Variants in ESRRG observed in about 807,000 individuals in gnomAD.
ESRRG encodes estrogen-related receptor gamma.
A neutral mutation model predicts 44.0 loss-of-function variants in ESRRG; 13 were observed. That is an observed-to-expected ratio of 0.30 (90% CI 0.19 to 0.47). ESRRG has a LOEUF of 0.47. Among genes scored for constraint, ESRRG ranks in the 20% least tolerant of loss-of-function variants. The probability of loss-of-function intolerance (pLI) is 1.00; values close to 1 mark genes in which losing one functional copy is unlikely to be tolerated. For missense variants in ESRRG, 395 were observed against 580.6 expected (o/e 0.68, Z 3.29); for synonymous variants, 215 against 214.6 (o/e 1.00, Z -0.02).
At position 216,785,323 on chromosome 1, in the gene ESRRG, T is replaced by C. The variant is rs143446913; in HGVS notation, c.-13-107832A>G. Among the ~76,000 whole-genome samples the C allele has an allele frequency of 2.5e-4, 38 of 152,210 alleles. No individual in the cohort carries two copies. The East Asian group carries it at 6.8e-3, about 27-fold the overall frequency. ...GTTACTATTGGGCAATGTCAATCTT[T>C]CTCTTTAGGAGGAGAGGAGGGAAAG... On this transcript the variant is annotated intron_variant, in intron 2 of 7. Coordinates refer to the ESRRG transcript ENST00000359162.
intron 1 of ESRRG, among the ~76,000 whole-genome samples, chr1:217,022,469 C>A (rs1473889272): frequency 6.6e-6 from 1 of 152,158 alleles, no homozygotes; most frequent in Non-Finnish European, 1.5e-5. Flanking sequence ...CATTTGCACA[C>A]AGTGAGGTGA....
intron 1 of ESRRG, among the ~76,000 whole-genome samples, chr1:217,097,843 TAA>T (rs5780964): frequency 1.4e-5 from 2 of 139,036 alleles, no homozygotes; most frequent in African/African-American, 2.7e-5. Flanking sequence ...CCAGGCTGCT[TAA>T]AAAAAAAAAA....
intron 2 of ESRRG, among the ~76,000 whole-genome samples, chr1:216,791,455 A>G (rs1326996156): frequency 6.6e-6 from 1 of 152,164 alleles, no homozygotes; most frequent in Non-Finnish European, 1.5e-5. Context: ...TTCTGTTCTT[A>G]TAAATTACCC....
chr1:217,082,543 T>G (rs2151517349), intron 1 of ESRRG, among the ~76,000 whole-genome samples: 1 of 152,290 alleles, frequency 6.6e-6, no homozygotes, highest in East Asian at 1.9e-4. Flanking sequence ...CACACTGTCC[T>G]TTCCCTTCAG....
At chr1:217,101,012 C>T (rs527660329) in intron 1 of ESRRG, among the ~76,000 whole-genome samples, 1 of 152,174 alleles carries the variant, frequency 6.6e-6, no homozygotes, top group South Asian at 2.1e-4. Flanking sequence ...TCTTTGGAAC[C>T]CTTACCATTT....
intron 1 of ESRRG, among the ~76,000 whole-genome samples, chr1:216,978,760 G>A (rs2073412766): frequency 6.6e-6 from 1 of 152,160 alleles, no homozygotes; most frequent in African/African-American, 2.4e-5. Flanking sequence ...TGAAAAGGAA[G>A]TTTTTTCCAC....
chr1:216,559,945 A>G (rs1194088130), intron 5 of ESRRG, among the ~76,000 whole-genome samples: 1 of 152,144 alleles, frequency 6.6e-6, no homozygotes, highest in Non-Finnish European at 1.5e-5. Flanking sequence ...TTCTTTATAG[A>G]TTCCTTTCAT....
chr1:216,764,862 G>A (rs1376563737), intron 2 of ESRRG, among the ~76,000 whole-genome samples: 1 of 151,900 alleles, frequency 6.6e-6, no homozygotes, highest in Non-Finnish European at 1.5e-5. Flanking sequence ...AACCCAGGGT[G>A]AAGAGCAGTG....
intron 3 of ESRRG, among the ~76,000 whole-genome samples, chr1:216,594,893 T>C (rs2058210701): frequency 6.6e-6 from 1 of 152,206 alleles, no homozygotes; most frequent in Admixed American, 6.5e-5. Context: ...GTGGTAGAAC[T>C]TTGGGACTCA....
At chr1:216,861,029 T>C (rs1267510692) in intron 2 of ESRRG, among the ~76,000 whole-genome samples, 1 of 152,038 alleles carries the variant, frequency 6.6e-6, no homozygotes, top group Non-Finnish European at 1.5e-5. Context: ...ACAGTATCAG[T>C]TGAATGTAGT....
intron 1 of ESRRG, among the ~76,000 whole-genome samples, chr1:217,012,817 T>C (rs2078824642): frequency 6.6e-6 from 1 of 152,222 alleles, no homozygotes; most frequent in Non-Finnish European, 1.5e-5. Context: ...CTATTCATAG[T>C]TTGCCCTAGG....
At chr1:216,521,356 T>C (rs1265790760) in intron 5 of ESRRG, among the ~76,000 whole-genome samples, 1 of 152,080 alleles carries the variant, frequency 6.6e-6, no homozygotes, top group Non-Finnish European at 1.5e-5. Context: ...TGCTCTTTTT[T>C]CTATTCCCCT....
At chr1:216,833,550 T>G (rs367604957) in intron 2 of ESRRG, among the ~76,000 whole-genome samples, 8 of 152,186 alleles carry the variant, frequency 5.3e-5, no homozygotes, top group Admixed American at 2.0e-4. Flanking sequence ...TGTGACAAAT[T>G]TGACACACAA....
At chr1:216,953,347 G>A (rs1018253753) in intron 1 of ESRRG, among the ~76,000 whole-genome samples, 16 of 152,040 alleles carry the variant, frequency 1.1e-4, no homozygotes, top group African/African-American at 3.4e-4. Context: ...CTGCACGACC[G>A]CACCTGCTCT....
At chr1:216,771,815 TG>T (rs1329720011) in intron 2 of ESRRG, among the ~76,000 whole-genome samples, 19 of 102,698 alleles carry the variant, frequency 1.9e-4, no homozygotes, top group South Asian at 4.2e-4. Flanking sequence ...AAGTTTGTGG[TG>T]TTTTTTTTTT....
At chr1:216,578,655 A>G (rs1371887256) in intron 3 of ESRRG, among the ~76,000 whole-genome samples, 2 of 152,154 alleles carry the variant, frequency 1.3e-5, no homozygotes, top group Admixed American at 6.6e-5. Flanking sequence ...TCTATATACC[A>G]TTACTGAACC....
intron 1 of ESRRG, among the ~76,000 whole-genome samples, chr1:217,105,750 G>A (rs1382118010): frequency 1.3e-5 from 2 of 152,220 alleles, no homozygotes; most frequent in Middle Eastern, 3.4e-3. Context: ...AATCAGCCTA[G>A]CACCTGCCCC....
At chr1:217,133,780 A>G (rs575040144) in intron 1 of ESRRG, among the ~76,000 whole-genome samples, 2 of 150,254 alleles carry the variant, frequency 1.3e-5, no homozygotes, top group South Asian at 4.2e-4. Flanking sequence ...TTCCCTTCCC[A>G]TTAGGGCCTA....
At chr1:216,792,921 C>T (rs774986669) in intron 2 of ESRRG, among the ~76,000 whole-genome samples, 3 of 152,182 alleles carry the variant, frequency 2.0e-5, no homozygotes, top group East Asian at 1.9e-4. Context: ...AAAAGAATTG[C>T]TCCTAGTCTG....
Sources: allele counts gnomAD v4.1 joint callset (sites outside exome capture counted in the v4.1 genomes callset), GRCh38; gene constraint gnomAD v4.1.1; transcripts MANE v1.5; gene names NCBI Gene and HGNC (gene_info 2026-07-23, HGNC 2026-07-21).